The following NAALADL2 variants were observed in gnomAD, a reference collection of about 807,000 sequenced individuals.
The protein encoded by NAALADL2 is N-acetylated alpha-linked acidic dipeptidase like 2, also known as inactive N-acetylated-alpha-linked acidic dipeptidase-like protein 2.
Under a neutral mutation model 87.2 loss-of-function variants are expected in NAALADL2, and 76 were observed. That is an observed-to-expected ratio of 0.87 (90% CI 0.72 to 1.05). The LOEUF (loss-of-function observed/expected upper bound fraction) is 1.05, where lower values mean the gene tolerates loss of function less well. NAALADL2 is among the 50% of genes least tolerant of loss of function. The pLI is 0.00. For missense variants in NAALADL2, 1,089 were observed against 945.8 expected, an observed-to-expected ratio of 1.15 and a Z score of -1.99; for synonymous variants, 354 against 331.0, an observed-to-expected ratio of 1.07 and a Z score of -0.75.
At chr3:174,668,784 G>A (rs1316060906) in intron 2 of NAALADL2, among the ~76,000 whole-genome samples, 1 of 152,144 alleles carries the variant, frequency 6.6e-6, no homozygotes, top group Non-Finnish European at 1.5e-5. Context: ...ATATTCCATG[G>A]TGTATATGTG....
chr3:174,532,680 A>G (rs1721350967), intron 1 of NAALADL2, among the ~76,000 whole-genome samples: 1 of 152,128 alleles, frequency 6.6e-6, no homozygotes. Flanking sequence ...TTCTGGATGG[A>G]ATGTGCTCTA....
intron 1 of NAALADL2, among the ~76,000 whole-genome samples, chr3:175,017,231 G>A (rs1320766013): frequency 1.3e-5 from 2 of 151,498 alleles, no homozygotes; most frequent in African/African-American, 4.9e-5. Flanking sequence ...ATCTTATATA[G>A]CAGATTTGTG....
chr3:175,733,856 G>T (rs1744126601), intron 11 of NAALADL2, among the ~76,000 whole-genome samples: 1 of 152,176 alleles, frequency 6.6e-6, no homozygotes, highest in Admixed American at 6.5e-5. Context: ...CCAAAATCCA[G>T]CAGGGCAGTC....
Position 174,955,170 on chromosome 3 carries a change from G to A in NAALADL2, c.43+95720G>A, listed in dbSNP as rs550298059. Among the ~76,000 whole-genome samples, 3 of 152,082 alleles carry A rather than the reference G, an allele frequency of 2.0e-5. No homozygotes were observed. The East Asian group carries it at 5.8e-4, about 29-fold the overall frequency. Reference sequence around the variant, plus strand: ...TCCACAGGCCATCAGTTACGGCATCGTCTTCTACTTATACATAAACTTTTC... The same window carrying A: ...TCCACAGGCCATCAGTTACGGCATCATCTTCTACTTATACATAAACTTTTC... On this transcript the variant is annotated intron_variant, in intron 1 of 13. Transcript: ENST00000454872.
chr3:175,771,230 G>T (rs1008987252), intron 13 of NAALADL2, among the ~76,000 whole-genome samples: 9 of 151,970 alleles, frequency 5.9e-5, no homozygotes, highest in African/African-American at 1.9e-4. Flanking sequence ...TGTTAATGTT[G>T]CATACAATTT....
rs566531338 is a variant in NAALADL2, at chr3:175,023,122, CTAAA to C, written c.44-73656_44-73653del. 3.1e-3 allele frequency among the ~76,000 whole-genome samples: 468 copies of C among 151,958 alleles called. 2 individuals carry two copies. Among genetic ancestry groups the C allele is most frequent in the African/African-American group, 9.6e-3 (399 of 41,482 alleles). On this transcript the variant is annotated intron_variant, in intron 1 of 13. Transcript: ENST00000454872. ...TTGCATGTCAAAATATTTTCAAGGTCTAAATAAATAAATAACAAAAGACCACTCT... is the reference window on the plus strand; with the variant it reads ...TTGCATGTCAAAATATTTTCAAGGTCTAAATAAATAACAAAAGACCACTCT...
In NAALADL2 at chr3:174,487,695, G is replaced by GTT. The variant is rs11437802; in HGVS notation, c.-184+46676_-184+46677dup. Among the ~76,000 whole-genome samples the GTT allele has an allele frequency of 7.0e-4, 99 of 142,042 alleles. No individual in the cohort carries two copies. The East Asian group carries it at 7.2e-3, about 10-fold the overall frequency. 93.2% of individuals were successfully genotyped at this position (142,042 alleles called of 152,430 possible). A position where few individuals can be genotyped will look rare whatever the true frequency, so the allele number is the denominator to read the frequency against. On this transcript the variant is annotated intron_variant, in intron 1 of 3. Coordinates refer to the NAALADL2 transcript ENST00000434257. ...AGTTTAGAAAGCATGGAGTAAGAGTGTTTTTTTTTTTTTTAACAATAGTAA... is the reference window on the plus strand; with the variant it reads ...AGTTTAGAAAGCATGGAGTAAGAGTGTTTTTTTTTTTTTTTTAACAATAGTAA...
At chr3:175,020,305 G>A (rs1184128890) in intron 1 of NAALADL2, among the ~76,000 whole-genome samples, 1 of 151,984 alleles carries the variant, frequency 6.6e-6, no homozygotes. Context: ...TTAATGATGC[G>A]ATCTGTGAGG....
rs900418597 is a variant in NAALADL2 at position 175,607,217 on chromosome 3, C to T, written c.1801-20074C>T. ...GTTATTTGTAAATATAATATGCACACATGCTAAAGAAATGGAAAGCAAATA... is the reference window on the plus strand; with the variant it reads ...GTTATTTGTAAATATAATATGCACATATGCTAAAGAAATGGAAAGCAAATA... On this transcript the variant is annotated intron_variant, in intron 10 of 13. Coordinates refer to ENST00000454872, the MANE Select transcript of NAALADL2 (RefSeq NM_207015.3). Among the ~76,000 whole-genome samples the T allele has an allele frequency of 2.6e-5, 4 of 152,072 alleles. No homozygotes were observed. The East Asian group carries it at 5.8e-4, about 22-fold the overall frequency.
chr3:174,989,570 G>A lies in NAALADL2; in HGVS notation c.44-107220G>A, dbSNP rs542990788. 2.6e-5 allele frequency among the ~76,000 whole-genome samples: 4 copies of A among 152,224 alleles called. No individual in the cohort carries two copies. The East Asian group carries it at 7.7e-4, about 29-fold the overall frequency. ...TGTTGGTAGGTAGGGACAAATTTTA[G>A]TAGGACAAGGTGATAAGAATGAGCT... On this transcript the variant is annotated intron_variant, in intron 1 of 13. Transcript: ENST00000454872.
chr3:175,589,596 A>T (rs1214062718), intron 10 of NAALADL2, among the ~76,000 whole-genome samples: 1 of 152,048 alleles, frequency 6.6e-6, no homozygotes, highest in Non-Finnish European at 1.5e-5. Context: ...TAAACATACC[A>T]TTACATAGTT....
chr3:174,545,519 CTT>C (rs1722652436), intron 1 of NAALADL2, among the ~76,000 whole-genome samples: 1 of 152,140 alleles, frequency 6.6e-6, no homozygotes, highest in African/African-American at 2.4e-5. Flanking sequence ...ACTTCAAAGC[CTT>C]TGTTATCTTG....
intron 1 of NAALADL2, among the ~76,000 whole-genome samples, chr3:175,050,032 C>T (rs1755169776): frequency 6.6e-6 from 1 of 152,108 alleles, no homozygotes; most frequent in East Asian, 1.9e-4. Flanking sequence ...GATTACCTCC[C>T]AAATTCCAAA....
rs545404738 is a variant in NAALADL2, at chr3:174,953,608, A to G, written c.43+94158A>G. 2.0e-4 allele frequency among the ~76,000 whole-genome samples: 30 copies of G among 152,018 alleles called. 1 individual carries two copies. In the South Asian group the frequency reaches 6.2e-3, roughly 32 times the overall value. ...CTGGGTAGGTAGAGTGGGAGGATGC[A>G]GCCATGAATATATACACAGATAGTT... On this transcript the variant is annotated intron_variant, in intron 1 of 13. Transcript: ENST00000454872.
At chr3:175,131,135 T>G (rs1418107126) in intron 2 of NAALADL2, among the ~76,000 whole-genome samples, 1 of 151,762 alleles carries the variant, frequency 6.6e-6, no homozygotes, top group Non-Finnish European at 1.5e-5. Flanking sequence ...TGGTTAAGTT[T>G]ATTTCTAAGT....
At chr3:175,049,144 C>G (rs1298349995) in intron 1 of NAALADL2, among the ~76,000 whole-genome samples, 1 of 152,030 alleles carries the variant, frequency 6.6e-6, no homozygotes, top group Non-Finnish European at 1.5e-5. Flanking sequence ...TGATTATCTG[C>G]CTCAGGTAAT....
intron 1 of NAALADL2, among the ~76,000 whole-genome samples, chr3:174,522,842 G>A (rs1164273394): frequency 2.0e-5 from 3 of 149,350 alleles, no homozygotes; most frequent in Non-Finnish European, 4.4e-5. Flanking sequence ...GCTGAGGCAG[G>A]AGAATGGCGT....
At chr3:174,993,575 G>A (rs1747027713) in intron 1 of NAALADL2, among the ~76,000 whole-genome samples, 1 of 152,148 alleles carries the variant, frequency 6.6e-6, no homozygotes, top group Admixed American at 6.5e-5. Context: ...TAGGGGCGGT[G>A]GCTCAAGTGG....
intron 6 of NAALADL2, among the ~76,000 whole-genome samples, chr3:175,449,809 T>C (rs1167193147): frequency 1.3e-5 from 2 of 152,174 alleles, no homozygotes; most frequent in Non-Finnish European, 2.9e-5. Flanking sequence ...AGTTGAGATA[T>C]ACACCCATGT....
Sources: allele counts gnomAD v4.1 joint callset (sites outside exome capture counted in the v4.1 genomes callset), GRCh38; gene constraint gnomAD v4.1.1; transcripts MANE v1.5; gene names NCBI Gene and HGNC (gene_info 2026-07-23, HGNC 2026-07-21).